Variants in CORO2B observed in about 807,000 individuals in gnomAD.
CORO2B encodes the protein coronin-2B.
Under a neutral mutation model 58.8 loss-of-function variants are expected in CORO2B, and 26 were observed. The observed-to-expected ratio is 0.44, with a 90% CI of 0.32 to 0.61. CORO2B has a LOEUF of 0.61. Ranked by LOEUF, CORO2B falls within the 20% of genes least tolerant of loss-of-function variation. The pLI is 0.04. For synonymous variants in CORO2B, 242 were observed against 253.8 expected (o/e 0.95, Z 0.44); for missense variants, 460 against 645.1 (o/e 0.71, Z 3.11).
the CORO2B span, among the ~76,000 whole-genome samples, chr15:68,560,317 C>T: frequency 6.8e-6 from 1 of 147,188 alleles, no homozygotes; most frequent in African/African-American, 2.5e-5. Context: ...TCTTCTGAGA[C>T]AGGTTCTCGC....
intron 1 of CORO2B, among the ~76,000 whole-genome samples, chr15:68,597,011 A>G (rs189307694): frequency 1.7e-4 from 26 of 151,336 alleles, no homozygotes; most frequent in Non-Finnish European, 3.4e-4. Flanking sequence ...GTCCTCAGGG[A>G]CCGCCCTCCC....
chr15:68,696,732 G>C (rs1158986943), intron 3 of CORO2B, among the ~76,000 whole-genome samples: 1 of 152,132 alleles, frequency 6.6e-6, no homozygotes, highest in African/African-American at 2.4e-5. Context: ...AGCAGCATCA[G>C]TACACCAGCT....
rs1893309273 is a variant in CORO2B at position 68,726,707 on chromosome 15, G to A, written c.*733G>A. On this transcript the variant is annotated 3_prime_UTR_variant, in exon 12 of 12. Coordinates refer to ENST00000261861, the MANE Select transcript of CORO2B (RefSeq NM_006091.5). ...TCCCCCTTTGACAAATGACAGAACT[G>A]AGGGTTGCAATGGGGAAATGACTTA... is the stretch of plus-strand genomic sequence containing the variant. 1.3e-5 allele frequency: 2 copies of A among 152,558 alleles called. No homozygotes were observed. Among genetic ancestry groups the A allele is most frequent in the African/African-American group, 2.4e-5 (1 of 41,430 alleles). The allele number at this position is 152,558 out of a possible 1,614,324, so 9.5% of individuals were successfully genotyped here.
rs1317954287 is a variant in CORO2B at position 68,711,696 on chromosome 15, G to A, written c.638G>A (p.Arg213His). 8.7e-6 allele frequency: 14 copies of A among 1,613,800 alleles called. No homozygotes were observed. The highest frequency in any genetic ancestry group is 2.7e-5 in the African/African-American group (2 of 74,916). ...KLRVIEPRSG[R>H]VLQEANCKNH... ...CGTGTGATTGAGCCCCGCTCTGGCC[G>A]TGTTCTGCAGGTGGAACCCTACATT... Residue 213 changes from arginine to histidine, a missense_variant, in exon 5 of 12, where the codon CGT (arginine) becomes CAT (histidine). By Grantham distance (29) the Arg-to-His change is conservative. Coordinates refer to ENST00000261861, the MANE Select transcript of CORO2B (RefSeq NM_006091.5).
intron 2 of CORO2B, among the ~76,000 whole-genome samples, chr15:68,693,579 G>T (rs1596019313): frequency 6.6e-6 from 1 of 152,182 alleles, no homozygotes; most frequent in East Asian, 1.9e-4. Flanking sequence ...CATAGCTTCT[G>T]CCTATTCCCC....
intron 1 of CORO2B, among the ~76,000 whole-genome samples, chr15:68,624,422 C>T (rs1900619415): frequency 6.6e-6 from 1 of 152,170 alleles, no homozygotes; most frequent in Non-Finnish European, 1.5e-5. Flanking sequence ...CAACAGTGAG[C>T]ACGACTACCA....
At chr15:68,549,915 T>A in the CORO2B span, among the ~76,000 whole-genome samples, 2 of 151,616 alleles carry the variant, frequency 1.3e-5, no homozygotes, top group African/African-American at 2.4e-5. Context: ...CGCTCCAGCC[T>A]GGGCAACAGA....
chr15:68,666,627 G>A (rs980836050), intron 2 of CORO2B, among the ~76,000 whole-genome samples: 1 of 152,172 alleles, frequency 6.6e-6, no homozygotes, highest in Non-Finnish European at 1.5e-5. Context: ...CCCTGAATGA[G>A]CTCTTCCTGG....
intron 4 of CORO2B, among the ~76,000 whole-genome samples, chr15:68,711,116 T>C (rs565022764): frequency 6.6e-6 from 1 of 152,252 alleles, no homozygotes; most frequent in East Asian, 1.9e-4. Flanking sequence ...TGGTGGTTGA[T>C]TGGAGGAGAA....
the CORO2B span, among the ~76,000 whole-genome samples, chr15:68,529,910 GT>G: frequency 5.9e-5 from 9 of 152,198 alleles, no homozygotes; most frequent in African/African-American, 2.2e-4. Flanking sequence ...TGAACTAAAG[GT>G]TACTTAGAAG....
chr15:68,597,211 C>CT (rs1192144039), intron 1 of CORO2B, among the ~76,000 whole-genome samples: 1 of 152,118 alleles, frequency 6.6e-6, no homozygotes, highest in Non-Finnish European at 1.5e-5. Context: ...GCTCGCCTGG[C>CT]TGCTGGCACA....
chr15:68,688,184 G>A (rs947459639), intron 2 of CORO2B, among the ~76,000 whole-genome samples: 1 of 152,174 alleles, frequency 6.6e-6, no homozygotes, highest in Non-Finnish European at 1.5e-5. Flanking sequence ...GCTATGGGAG[G>A]TGTGTTTTTT....
At chr15:68,697,850 G>A (rs938358300) in intron 3 of CORO2B, among the ~76,000 whole-genome samples, 4 of 152,212 alleles carry the variant, frequency 2.6e-5, no homozygotes, top group Non-Finnish European at 5.9e-5. Flanking sequence ...GAGGCCTGGG[G>A]TCAGTGGGAG....
the CORO2B span, among the ~76,000 whole-genome samples, chr15:68,528,882 A>C: frequency 6.6e-6 from 1 of 152,206 alleles, no homozygotes; most frequent in Non-Finnish European, 1.5e-5. Context: ...ATTTTGCTTA[A>C]ATTTTAGCAG....
intron 3 of CORO2B, among the ~76,000 whole-genome samples, chr15:68,696,012 G>A (rs1359531636): frequency 6.6e-6 from 1 of 151,890 alleles, no homozygotes; most frequent in Non-Finnish European, 1.5e-5. Context: ...CAAGGCAGGA[G>A]GATCACTTGA....
intron 2 of CORO2B, among the ~76,000 whole-genome samples, chr15:68,686,482 T>G (rs1017404008): frequency 2.0e-5 from 3 of 152,204 alleles, no homozygotes; most frequent in Non-Finnish European, 2.9e-5. Context: ...CAAGTCACCT[T>G]GGGCAAGTCG....
At chr15:68,706,165 G>A (rs1371154848) in intron 3 of CORO2B, among the ~76,000 whole-genome samples, 3 of 152,006 alleles carry the variant, frequency 2.0e-5, no homozygotes, top group Admixed American at 1.3e-4. Flanking sequence ...TGCTCCACAC[G>A]AGCCAGGCTG....
chr15:68,688,224 T>G (rs762867851), intron 2 of CORO2B, among the ~76,000 whole-genome samples: 10 of 152,196 alleles, frequency 6.6e-5, no homozygotes, highest in Non-Finnish European at 1.2e-4. Flanking sequence ...TAATAACAAT[T>G]TTATATGTTT....
chr15:68,591,542 C>T (rs1899707608), intron 1 of CORO2B, among the ~76,000 whole-genome samples: 1 of 152,192 alleles, frequency 6.6e-6, no homozygotes, highest in South Asian at 2.1e-4. Context: ...ATCCCATTCA[C>T]ACTTTAGGTG....
Sources: gnomAD v4.1 joint callset for allele counts (sites outside exome capture counted in the v4.1 genomes callset) on GRCh38, gnomAD v4.1.1 for gene constraint, MANE v1.5 for transcripts, NCBI Gene and HGNC (gene_info 2026-07-23, HGNC 2026-07-21) for gene names.